DBN1: variants seen among roughly 807,000 people sequenced by gnomAD.
DBN1 encodes the protein drebrin.
DBN1 carries 21 observed loss-of-function variants against 83.5 expected under a neutral mutation model. The ratio of observed to expected loss-of-function variants is 0.25; its 90% confidence interval spans 0.18 to 0.36. DBN1 has a LOEUF of 0.36. Among genes scored for constraint, DBN1 ranks in the 10% least tolerant of loss-of-function variants. The pLI is 1.00. For synonymous variants in DBN1, 381 were observed against 384.9 expected (o/e 0.99, Z 0.12); for missense variants, 874 against 935.7 (o/e 0.93, Z 0.86).
Position 177,457,116 on chromosome 5 carries a change from C to G in DBN1, c.*317G>C, listed in dbSNP as rs530177977. On this transcript the variant is annotated 3_prime_UTR_variant, in exon 15 of 15. Coordinates refer to ENST00000393565, the MANE Select transcript of DBN1 (RefSeq NM_001363541.2). The stretch of plus-strand genomic sequence containing the variant: ...CCCAAGCAGGGTGAGGCCTCCAACC[C>G]GGCCAGCTGAGCAGGGAGGACTAAG... 16 of 383,760 alleles carry G rather than the reference C, an allele frequency of 4.2e-5. No individual in the cohort carries two copies. The highest frequency in any genetic ancestry group is 2.9e-4 in the East Asian group (6 of 20,556). The allele number at this position is 383,760 out of a possible 1,614,324, so 23.8% of individuals were successfully genotyped here. A position where few individuals can be genotyped will look rare whatever the true frequency, so the allele number is the denominator to read the frequency against.
In DBN1 at chr5:177,462,232, T is replaced by C. The variant is rs1006092753; in HGVS notation, c.772-1529A>G. 25 of 977,766 alleles carry C rather than the reference T, an allele frequency of 2.6e-5. No homozygotes were observed. In the African/African-American group the frequency reaches 3.9e-4, roughly 15 times the overall value. 60.6% of individuals were successfully genotyped at this position (977,766 alleles called of 1,614,324 possible). A position where few individuals can be genotyped will look rare whatever the true frequency, so the allele number is the denominator to read the frequency against. ...CCCCCACCCCAAGGCTCCCACATAC[T>C]GTGAGATGTAGACATCAAGTCCTCA... On this transcript the variant is annotated intron_variant, in intron 8 of 14. Coordinates refer to ENST00000393565, the MANE Select transcript of DBN1 (RefSeq NM_001363541.2).
chr5:177,464,648 A>AATAG (rs1554103301), intron 8 of DBN1, among the ~76,000 whole-genome samples: 2 of 149,774 alleles, frequency 1.3e-5, no homozygotes, highest in Non-Finnish European at 3.0e-5. Flanking sequence ...TAAATAAATA[A>AATAG]TAAACTTTAT....
rs756565107 is a variant in DBN1, at chr5:177,467,209, G to T, written c.555+46C>A. 6.2e-7 allele frequency: 1 copy of T among 1,602,640 alleles called. No individual in the cohort carries two copies. The highest frequency in any genetic ancestry group is 8.6e-7 in the Non-Finnish European group (1 of 1,169,584). ...TGAGGGACTCAGACCTGCCCCATGG[G>T]GTCCATGAGGGGTGGCTCAGCCAGG... On this transcript the variant is annotated intron_variant, in intron 6 of 14. Coordinates refer to ENST00000393565, the MANE Select transcript of DBN1 (RefSeq NM_001363541.2). This position sits in a 1 kb window ranked among gnomAD's most constrained non-coding sequence, Gnocchi z 9.1.
rs748601855 is a variant in DBN1 at position 177,458,433 on chromosome 5, G to A, written c.1539C>T (p.Asn513=). 1.1e-5 allele frequency: 18 copies of A among 1,614,194 alleles called. 1 individual carries two copies. Among genetic ancestry groups the A allele is most frequent in the South Asian group, 1.1e-4 (10 of 91,084 alleles). The change falls in exon 13 of 15, where the codon AAC becomes AAT. Residue 513 remains asparagine (N), a synonymous_variant. Coordinates refer to ENST00000393565, the MANE Select transcript of DBN1 (RefSeq NM_001363541.2). ...TATADTTVAN[N]VPPAATSLID... ...TGAGGCTGGTGGCGGCGGGGGGTAC[G>A]TTGTTGGCAACAGTGGTGTCAGCAG...
At chr5:177,464,944 G>A (rs1757329674) in intron 8 of DBN1, among the ~76,000 whole-genome samples, 1 of 151,558 alleles carries the variant, frequency 6.6e-6, no homozygotes, top group East Asian at 2.0e-4. Context: ...CATGAGGTCA[G>A]GAGATCGAGA....
At chr5:177,465,033 A>C (rs1244373593) in intron 8 of DBN1, among the ~76,000 whole-genome samples, 2 of 152,254 alleles carry the variant, frequency 1.3e-5, no homozygotes, top group Non-Finnish European at 2.9e-5. Flanking sequence ...GGGCACCTGT[A>C]GTCCCAGCTA....
chr5:177,473,428 G>C lies in DBN1; in HGVS notation c.86+8C>G. On this transcript the variant is annotated splice_region_variant and intron_variant, in intron 1 of 14. Coordinates refer to ENST00000393565, the MANE Select transcript of DBN1 (RefSeq NM_001363541.2). Reference sequence around the variant, plus strand: ...CAAAGGGGCCGGGGGCGGGGGCGGGGGGCTCACCAGTCGGCCGCGCTCTCC... The same window carrying C: ...CAAAGGGGCCGGGGGCGGGGGCGGGCGGCTCACCAGTCGGCCGCGCTCTCC... 4 of 1,401,384 alleles carry C rather than the reference G, an allele frequency of 2.9e-6. No homozygotes were observed. Among genetic ancestry groups the C allele is most frequent in the Non-Finnish European group, 3.8e-6 (4 of 1,063,288 alleles). The allele number at this position is 1,401,384 out of a possible 1,614,324, so 86.8% of individuals were successfully genotyped here.
At chr5:177,463,548 C>T (rs1757197678) in intron 8 of DBN1, among the ~76,000 whole-genome samples, 1 of 152,230 alleles carries the variant, frequency 6.6e-6, no homozygotes. Flanking sequence ...AAAGCAACAG[C>T]TCCTTAAGCC....
In DBN1 at chr5:177,467,417, G is replaced by C. The variant is rs1003537302; in HGVS notation, c.477+64C>G. 14 of 1,612,624 alleles carry C rather than the reference G, an allele frequency of 8.7e-6. No homozygotes were observed. In the Admixed American group the frequency reaches 1.3e-4, roughly 15 times the overall value. On this transcript the variant is annotated intron_variant, in intron 5 of 14. Transcript: ENST00000393565. This position sits in a 1 kb window ranked among gnomAD's most constrained non-coding sequence, Gnocchi z 9.1. ...AAAGGGTGAGAGCTAAGAGGGACCGGGCAGGCCAGACTCGGGCACCAGGCC... is the reference window on the plus strand; with the variant it reads ...AAAGGGTGAGAGCTAAGAGGGACCGCGCAGGCCAGACTCGGGCACCAGGCC...
At position 177,458,417 on chromosome 5, in the gene DBN1, T is replaced by G; in HGVS notation, c.1555A>C (p.Thr519Pro). The G allele has an allele frequency of 6.2e-7, 1 of 1,614,066 alleles. No individual in the cohort carries two copies. Among genetic ancestry groups the G allele is most frequent in the Non-Finnish European group, 8.5e-7 (1 of 1,179,990 alleles). Residue 519 changes from threonine (T) to proline (P), a missense_variant, in exon 13 of 15, where the codon ACC becomes CCC. Physicochemically the swap from Thr to Pro is conservative, Grantham distance 38. Coordinates refer to ENST00000393565, the MANE Select transcript of DBN1 (RefSeq NM_001363541.2). Reference protein sequence around the residue: ...TVANNVPPAATSLIDLWPGNG... With the variant: ...TVANNVPPAAPSLIDLWPGNG... The stretch of plus-strand genomic sequence containing the variant: ...CCAGGCCATAGGTCAATGAGGCTGG[T>G]GGCGGCGGGGGGTACGTTGTTGGCA...
rs941922162 is a variant in DBN1 at position 177,467,908 on chromosome 5, G to C, written c.256-91C>G. 8.7e-6 allele frequency: 13 copies of C among 1,496,648 alleles called. No individual in the cohort carries two copies. The highest frequency in any genetic ancestry group is 1.2e-5 in the Non-Finnish European group (13 of 1,081,414). 92.7% of individuals were successfully genotyped at this position (1,496,648 alleles called of 1,614,324 possible). On this transcript the variant is annotated intron_variant, in intron 3 of 14. Transcript: ENST00000393565. This position sits in a 1 kb window ranked among gnomAD's most constrained non-coding sequence, Gnocchi z 9.1. ...TCTTCCCCGGGGTGGGAAGAGGGTG[G>C]GCTTCCCTCTCCACGGGTGTCAGAG...
At chr5:177,468,735 G>T (rs1046617837) in intron 2 of DBN1, 109 bp downstream of exon 2, 3 of 638,570 alleles carry the variant, frequency 4.7e-6, no homozygotes, top group African/African-American at 1.9e-5. Context: ...GACAAGTGTG[G>T]GGCTGCAGGG....
intron 8 of DBN1, among the ~76,000 whole-genome samples, chr5:177,461,671 C>A (rs1214670605): frequency 3.3e-5 from 5 of 152,126 alleles, no homozygotes; most frequent in Non-Finnish European, 5.9e-5. Context: ...GCCGGGGCCA[C>A]CATGCTCCCA....
rs774365139 is a variant in DBN1, at chr5:177,467,077, G to A, written c.556-15C>T. The stretch of plus-strand genomic sequence containing the variant: ...TCTTCTTCCTTCTGCAAGCCCCGGT[G>A]CGAACAAGGGTAGGCCCCGAGCCTA... On this transcript the variant is annotated splice_polypyrimidine_tract_variant and intron_variant, in intron 6 of 14. Transcript: ENST00000393565. The surrounding 1 kb of genome is among the most constrained non-coding windows in gnomAD (Gnocchi z 9.1). 1.5e-5 allele frequency: 25 copies of A among 1,613,452 alleles called. No individual in the cohort carries two copies. The highest frequency in any genetic ancestry group is 1.9e-5 in the Non-Finnish European group (23 of 1,179,922).
Position 177,460,465 on chromosome 5 carries a change from A to G in DBN1, c.922T>C (p.Cys308Arg), listed in dbSNP as rs1427706075. The change falls in exon 10 of 15, where the codon TGT becomes CGT. Residue 308 changes from cysteine (C) to arginine (R), a missense_variant. Physicochemically the swap from Cys to Arg is radical, Grantham distance 180. Transcript: ENST00000393565. Reference protein sequence around the residue: ...ERVASASAGSCDVPSPFNHRP... With the variant: ...ERVASASAGSRDVPSPFNHRP... ...TGGTTGAAGGGCGAGGGTACATCAC[A>G]GCTGCCCGCAGAGGCCGATGCGACT... The G allele has an allele frequency of 1.2e-6, 2 of 1,614,112 alleles. No homozygotes were observed. The highest frequency in any genetic ancestry group is 1.7e-6 in the Non-Finnish European group (2 of 1,179,988).
rs773405285 is a variant in DBN1 at position 177,466,905 on chromosome 5, G to T, written c.707+6C>A. On this transcript the variant is annotated splice_donor_region_variant and intron_variant, in intron 7 of 14. Transcript: ENST00000393565. This position sits in a 1 kb window ranked among gnomAD's most constrained non-coding sequence, Gnocchi z 4.8. ...CCCCTGGAGCGCTCCGGGCGGGCAGGCTCACCTGTGCTCCTCGATCTGCTG... is the reference window on the plus strand; with the variant it reads ...CCCCTGGAGCGCTCCGGGCGGGCAGTCTCACCTGTGCTCCTCGATCTGCTG... The T allele has an allele frequency of 6.2e-7, 1 of 1,612,914 alleles. No individual in the cohort carries two copies. The highest frequency in any genetic ancestry group is 1.1e-5 in the South Asian group (1 of 91,058).
chr5:177,461,928 A>G (rs1392442982), intron 8 of DBN1, among the ~76,000 whole-genome samples: 1 of 152,086 alleles, frequency 6.6e-6, no homozygotes, highest in African/African-American at 2.4e-5. Flanking sequence ...CCACTTAAAA[A>G]CCAGGAACTT....
chr5:177,467,070 C>A lies in DBN1; in HGVS notation c.556-8G>T, dbSNP rs778369723. 3.1e-6 allele frequency: 5 copies of A among 1,613,538 alleles called. No homozygotes were observed. Among genetic ancestry groups the A allele is most frequent in the Admixed American group, 3.3e-5 (2 of 60,010 alleles). ...CCGCAGCTCTTCTTCCTTCTGCAAG[C>A]CCCGGTGCGAACAAGGGTAGGCCCC... is the stretch of plus-strand genomic sequence containing the variant. On this transcript the variant is annotated splice_region_variant and splice_polypyrimidine_tract_variant and intron_variant, in intron 6 of 14. Coordinates refer to ENST00000393565, the MANE Select transcript of DBN1 (RefSeq NM_001363541.2). The surrounding 1 kb of genome is among the most constrained non-coding windows in gnomAD (Gnocchi z 9.1).
At position 177,457,498 on chromosome 5, in the gene DBN1, C is replaced by T. The variant is rs760744775; in HGVS notation, c.2023G>A (p.Asp675Asn). 2 of 1,614,020 alleles carry T rather than the reference C, an allele frequency of 1.2e-6. No homozygotes were observed. Among genetic ancestry groups the T allele is most frequent in the Non-Finnish European group, 1.7e-6 (2 of 1,179,908 alleles). ...GGGTCTGCATCCCAGCATGTGATGT[C>T]GATCTCTGTGGCGTTAGAAAGGGAG... ...PVFYNKPPEI[D>N]ITCWDADPVP... The change falls in exon 15 of 15, where the codon GAC becomes AAC. Residue 675 changes from aspartate to asparagine, a missense_variant. By Grantham distance (23) the Asp-to-Asn change is conservative (BLOSUM62 1). Around this residue, in one of 4 missense-constraint regions of DBN1, gnomAD observed 725 missense variants for 719.7 expected, o/e 1.01. Coordinates refer to ENST00000393565, the MANE Select transcript of DBN1 (RefSeq NM_001363541.2).
Sources: gnomAD v4.1 joint callset for allele counts (sites outside exome capture counted in the v4.1 genomes callset) on GRCh38, gnomAD v4.1.1 for gene constraint, gnomAD v4.1.1 regional missense constraint, Gnocchi (gnomAD v3.1) non-coding constraint, MANE v1.5 for transcripts, NCBI Gene and HGNC (gene_info 2026-07-23, HGNC 2026-07-21) for gene names.